The following PCDH15 variants were observed in gnomAD, a reference collection of about 807,000 sequenced individuals.
The protein encoded by PCDH15 is protocadherin related 15, also known as protocadherin-15.
In PCDH15, 129 loss-of-function variants were observed where a neutral mutation model predicts 178.5. The ratio of observed to expected loss-of-function variants is 0.72; its 90% CI spans 0.63 to 0.84. The LOEUF is 0.84. Among genes scored for constraint, PCDH15 ranks in the 40% least tolerant of loss-of-function variants. The pLI is 0.00. For synonymous variants in PCDH15, 800 were observed against 732.0 expected (o/e 1.09, Z -1.50); for missense variants, 2,230 against 2,099.9 (o/e 1.06, Z -1.21).
chr10:53,889,534 A>G (rs1165467502), intron 26 of PCDH15, among the ~76,000 whole-genome samples: 1 of 148,052 alleles, frequency 6.8e-6, no homozygotes, highest in East Asian at 2.0e-4. Context: ...CATCACAGTG[A>G]CTAAAAAAAA....
At chr10:54,055,548 A>G (rs1192672748) in intron 18 of PCDH15, among the ~76,000 whole-genome samples, 1 of 152,144 alleles carries the variant, frequency 6.6e-6, no homozygotes, top group Non-Finnish European at 1.5e-5. Flanking sequence ...AAAAACAGAG[A>G]TAAATAATTT....
At chr10:55,285,149 T>A (rs1842836549) in intron 1 of PCDH15, among the ~76,000 whole-genome samples, 1 of 146,818 alleles carries the variant, frequency 6.8e-6, no homozygotes, top group Non-Finnish European at 1.5e-5. Flanking sequence ...TGTATTTATA[T>A]GGTAAATACA....
At chr10:53,904,123 C>G (rs758047114) in intron 25 of PCDH15, among the ~76,000 whole-genome samples, 1 of 152,004 alleles carries the variant, frequency 6.6e-6, no homozygotes, top group Non-Finnish European at 1.5e-5. Flanking sequence ...CCAATAATGA[C>G]CTTTTAAAAA....
chr10:53,917,414 A>G (rs1410900406), intron 25 of PCDH15, among the ~76,000 whole-genome samples: 2 of 152,188 alleles, frequency 1.3e-5, no homozygotes, highest in Non-Finnish European at 2.9e-5. Flanking sequence ...CCCAAAACTA[A>G]TGCTTTGTTT....
intron 9 of PCDH15, among the ~76,000 whole-genome samples, chr10:54,226,766 T>G (rs2053494873): frequency 6.6e-6 from 1 of 152,124 alleles, no homozygotes; most frequent in Non-Finnish European, 1.5e-5. Flanking sequence ...ACTTTCTAGA[T>G]AGAGTGGGGA....
intron 1 of PCDH15, among the ~76,000 whole-genome samples, chr10:54,679,006 C>T (rs2094845209): frequency 6.6e-6 from 1 of 151,470 alleles, no homozygotes; most frequent in Admixed American, 6.6e-5. Context: ...TTGGCTAACA[C>T]GGTGAAACCC....
chr10:54,961,209 T>A (rs1213327654), intron 2 of PCDH15, among the ~76,000 whole-genome samples: 1 of 152,214 alleles, frequency 6.6e-6, no homozygotes. Context: ...GCCAGGGTGC[T>A]GCTGTGACCT....
chr10:54,663,668 C>A (rs1299762014), intron 2 of PCDH15, among the ~76,000 whole-genome samples: 1 of 144,530 alleles, frequency 6.9e-6, no homozygotes, highest in Non-Finnish European at 1.5e-5. Context: ...AATACCAAAT[C>A]TTTTTTCATT....
intron 1 of PCDH15, among the ~76,000 whole-genome samples, chr10:55,223,157 T>C (rs897361175): frequency 6.6e-6 from 1 of 152,096 alleles, no homozygotes; most frequent in Non-Finnish European, 1.5e-5. Context: ...CATAATTTTA[T>C]TTATTTTCAT....
chr10:55,115,567 G>A (rs1837611290), intron 2 of PCDH15, among the ~76,000 whole-genome samples: 2 of 152,138 alleles, frequency 1.3e-5, no homozygotes, highest in African/African-American at 4.8e-5. Context: ...TATAACCAAG[G>A]TGTCAGCTAA....
chr10:54,419,243 T>A (rs74136147), intron 3 of PCDH15, among the ~76,000 whole-genome samples: 1 of 150,660 alleles, frequency 6.6e-6, no homozygotes. Flanking sequence ...CATATATACA[T>A]ACACACACAC....
chr10:54,349,118 CAA>C (rs1943777692), intron 5 of PCDH15, among the ~76,000 whole-genome samples: 1 of 152,008 alleles, frequency 6.6e-6, no homozygotes, highest in Non-Finnish European at 1.5e-5. Context: ...CAAAATAAAA[CAA>C]ACAAATTTTA....
chr10:54,613,502 C>T (rs1374323658), intron 2 of PCDH15, among the ~76,000 whole-genome samples: 1 of 135,416 alleles, frequency 7.4e-6, no homozygotes, highest in Non-Finnish European at 1.6e-5. Flanking sequence ...CTCACACACA[C>T]ATACACACAC....
intron 28 of PCDH15, among the ~76,000 whole-genome samples, chr10:53,853,949 A>C (rs377173427): frequency 1.8e-4 from 28 of 152,128 alleles, no homozygotes; most frequent in African/African-American, 6.5e-4. Flanking sequence ...TATAAAAGAT[A>C]TATTTTAATA....
chr10:53,969,388 T>C (rs752646535), intron 21 of PCDH15, among the ~76,000 whole-genome samples: 45 of 152,206 alleles, frequency 3.0e-4, no homozygotes, highest in Non-Finnish European at 6.3e-4. Context: ...CTGATTAGTG[T>C]ACCTGAAAGT....
chr10:54,741,715 G>A (rs1944830382), intron 1 of PCDH15, among the ~76,000 whole-genome samples: 1 of 151,902 alleles, frequency 6.6e-6, no homozygotes, highest in South Asian at 2.1e-4. Context: ...TTGGCTCATG[G>A]CTCATGGCCC....
At chr10:54,353,253 A>C (rs1944443161) in intron 5 of PCDH15, among the ~76,000 whole-genome samples, 3 of 151,814 alleles carry the variant, frequency 2.0e-5, no homozygotes, top group Non-Finnish European at 2.9e-5. Flanking sequence ...AAAACTTTCC[A>C]GAACTGATAA....
chr10:55,589,297 A>G (rs1589160231), intron 2 of PCDH15, among the ~76,000 whole-genome samples: 1 of 152,078 alleles, frequency 6.6e-6, no homozygotes, highest in Admixed American at 6.6e-5. Context: ...TCCCAGCACC[A>G]TTTATTAAAT....
At chr10:55,236,154 G>A (rs1412742758) in intron 1 of PCDH15, among the ~76,000 whole-genome samples, 1 of 151,574 alleles carries the variant, frequency 6.6e-6, no homozygotes, top group East Asian at 1.9e-4. Context: ...TTTCTGTTGA[G>A]TTTGAATAGC....
Sources: gnomAD v4.1 joint callset for allele counts (sites outside exome capture counted in the v4.1 genomes callset) on GRCh38, gnomAD v4.1.1 for gene constraint, MANE v1.5 for transcripts, NCBI Gene and HGNC (gene_info 2026-07-23, HGNC 2026-07-21) for gene names.